Variants in DLC1 observed in about 807,000 individuals in gnomAD.
DLC1 encodes rho GTPase-activating protein 7.
Under a neutral mutation model 140.3 loss-of-function variants are expected in DLC1, and 54 were observed. That is an observed-to-expected ratio of 0.38 (90% CI 0.31 to 0.48). The LOEUF (loss-of-function observed/expected upper bound fraction) is 0.48. Among genes scored for constraint, DLC1 ranks in the 20% least tolerant of loss-of-function variants. The probability of loss-of-function intolerance (pLI) is 0.96; values close to 1 mark genes in which losing one functional copy is unlikely to be tolerated. For missense variants in DLC1, 2,536 were observed against 1,907.0 expected (o/e 1.33, Z -6.14); for synonymous variants, 986 against 728.1 (o/e 1.35, Z -5.70).
chr8:13,115,778 A>G, intron 5 of DLC1, 121 bp from the exon 6 acceptor site: 1 of 893,018 alleles, frequency 1.1e-6, no homozygotes, highest in Non-Finnish European at 1.8e-6. Context: ...AATACAGATA[A>G]GCAAACAGAC....
At chr8:13,279,246 T>G (rs934939143) in intron 5 of DLC1, among the ~76,000 whole-genome samples, 1 of 152,226 alleles carries the variant, frequency 6.6e-6, no homozygotes, top group African/African-American at 2.4e-5. Flanking sequence ...CAACACACAC[T>G]GTTTAACAGT....
At position 13,401,395 on chromosome 8, in the gene DLC1, C is replaced by T. The variant is rs531831533; in HGVS notation, c.1173+75G>A. On this transcript the variant is annotated intron_variant, in intron 3 of 17. Transcript: ENST00000276297. Reference sequence around the variant, plus strand: ...TTAGATGCCATTAACAAGGATGTTGCCTTTGCAAGAGGGACTGTATAAGGT... The same window carrying T: ...TTAGATGCCATTAACAAGGATGTTGTCTTTGCAAGAGGGACTGTATAAGGT... 482 of 1,542,952 alleles carry T rather than the reference C, an allele frequency of 3.1e-4. 2 individuals carry two copies. Among genetic ancestry groups the T allele is most frequent in the Non-Finnish European group, 4.1e-4 (470 of 1,143,058 alleles).
At chr8:13,500,875 G>C (rs1485989559) in intron 1 of DLC1, among the ~76,000 whole-genome samples, 1 of 152,146 alleles carries the variant, frequency 6.6e-6, no homozygotes, top group Non-Finnish European at 1.5e-5. Flanking sequence ...GCTACTACTA[G>C]CTTGCAAGCT....
chr8:13,528,826 C>A (rs755241486), intron 1 of DLC1, among the ~76,000 whole-genome samples: 2 of 152,124 alleles, frequency 1.3e-5, no homozygotes, highest in Non-Finnish European at 2.9e-5. Context: ...GAGCAACAGA[C>A]CCACTGAACT....
chr8:13,499,523 A>T lies in DLC1; in HGVS notation c.549T>A (p.Val183=). 6.2e-7 allele frequency: 1 copy of T among 1,614,134 alleles called. No homozygotes were observed. Among genetic ancestry groups the T allele is most frequent in the Non-Finnish European group, 8.5e-7 (1 of 1,180,018 alleles). The change falls in exon 2 of 18, where the codon GTT becomes GTA. Residue 183 remains valine (V), a synonymous_variant. Transcript: ENST00000276297. ...CCAGGCTTTTACTTATAGAGTCAGT[A>T]ACTTTTCTCTCCCCACTTTCTTTTA... ...ALVKESGERK[V]TDSISKSLEL...
chr8:13,095,911 C>G (rs994810446), intron 10 of DLC1: 1 of 152,218 alleles, frequency 6.6e-6, no homozygotes, highest in African/African-American at 2.4e-5. Flanking sequence ...CTGCTGATGA[C>G]CCGGAGAACA....
At chr8:13,456,029 A>G (rs1799371478) in intron 2 of DLC1, among the ~76,000 whole-genome samples, 1 of 152,256 alleles carries the variant, frequency 6.6e-6, no homozygotes, top group South Asian at 2.1e-4. Flanking sequence ...GTTGTCTTCC[A>G]AAGAGTGTTC....
intron 5 of DLC1, among the ~76,000 whole-genome samples, chr8:13,215,181 A>T (rs1452907811): frequency 6.6e-6 from 1 of 152,200 alleles, no homozygotes; most frequent in Non-Finnish European, 1.5e-5. Context: ...CGATAGAGTA[A>T]AACTATTAGA....
At chr8:13,285,801 A>C (rs1010097969) in intron 5 of DLC1, among the ~76,000 whole-genome samples, 1 of 152,114 alleles carries the variant, frequency 6.6e-6, no homozygotes, top group Non-Finnish European at 1.5e-5. Flanking sequence ...ATTACTAAAG[A>C]TATATAAAAA....
chr8:13,543,441 G>C (rs1486942789), intron 1 of DLC1, among the ~76,000 whole-genome samples: 1 of 152,098 alleles, frequency 6.6e-6, no homozygotes. Flanking sequence ...TAAATATCCA[G>C]TAGGAGGATT....
At chr8:13,164,098 A>G (rs1342659052) in intron 5 of DLC1, among the ~76,000 whole-genome samples, 3 of 152,038 alleles carry the variant, frequency 2.0e-5, no homozygotes, top group Non-Finnish European at 2.9e-5. Flanking sequence ...GGAGTTTGAG[A>G]CCAGGCTGGC....
intron 2 of DLC1, 118 bp from the exon 3 acceptor site, chr8:13,401,737 G>T: frequency 7.6e-7 from 1 of 1,318,508 alleles, no homozygotes; most frequent in Non-Finnish European, 1.0e-6. Flanking sequence ...TCTTTAATTA[G>T]AAGAGAAGTT....
At chr8:13,600,025 C>T (rs1318589434) in intron 1 of DLC1, among the ~76,000 whole-genome samples, 2 of 151,890 alleles carry the variant, frequency 1.3e-5, no homozygotes, top group East Asian at 3.9e-4. Flanking sequence ...TACTTTCTTT[C>T]GTTAGTTGGA....
At chr8:13,173,787 G>C (rs560401950) in intron 5 of DLC1, among the ~76,000 whole-genome samples, 37 of 152,132 alleles carry the variant, frequency 2.4e-4, no homozygotes, top group Non-Finnish European at 4.9e-4. Flanking sequence ...TGAATTTTTG[G>C]ATCTTTTACT....
At chr8:13,422,050 A>G (rs1585080601) in intron 2 of DLC1, among the ~76,000 whole-genome samples, 2 of 152,240 alleles carry the variant, frequency 1.3e-5, no homozygotes, top group East Asian at 3.9e-4. Context: ...TTGGTTATCA[A>G]TTGTATAAGT....
chr8:13,424,110 C>T (rs1244852425), intron 2 of DLC1, among the ~76,000 whole-genome samples: 2 of 152,102 alleles, frequency 1.3e-5, no homozygotes, highest in Non-Finnish European at 2.9e-5. Context: ...AACACAGCAA[C>T]AGTGTTCTGG....
In DLC1 at chr8:13,499,956, C is replaced by G. The variant is rs779829644; in HGVS notation, c.116G>C (p.Ser39Thr). 1 of 1,614,100 alleles carries G rather than the reference C, an allele frequency of 6.2e-7. No individual in the cohort carries two copies. Among genetic ancestry groups the G allele is most frequent in the Non-Finnish European group, 8.5e-7 (1 of 1,179,998 alleles). Reference sequence around the variant, plus strand: ...ATCTTTTTCCATACTTGCCTGCAAGCTGTCAGCTACTAGTCCATGATGACA... The same window carrying G: ...ATCTTTTTCCATACTTGCCTGCAAGGTGTCAGCTACTAGTCCATGATGACA... ...TACHHGLVADSLQASMEKDAT... is the reference protein window; with the variant it reads ...TACHHGLVADTLQASMEKDAT... Residue 39 changes from serine (S) to threonine (T), a missense_variant, in exon 2 of 18, where the codon AGC becomes ACC. Transcript: ENST00000276297.
intron 4 of DLC1, among the ~76,000 whole-genome samples, chr8:13,369,106 T>A (rs976752767): frequency 1.3e-5 from 2 of 152,146 alleles, no homozygotes; most frequent in African/African-American, 2.4e-5. Flanking sequence ...ATAAGAACAT[T>A]CAGGGCAGTG....
intron 5 of DLC1, among the ~76,000 whole-genome samples, chr8:13,123,882 A>T (rs1180394018): frequency 2.6e-5 from 4 of 152,178 alleles, no homozygotes; most frequent in African/African-American, 7.2e-5. Flanking sequence ...AATTTTTCTG[A>T]CCAGGATCCC....
Sources: allele counts gnomAD v4.1 joint callset (sites outside exome capture counted in the v4.1 genomes callset), GRCh38; gene constraint gnomAD v4.1.1; transcripts MANE v1.5; gene names NCBI Gene and HGNC (gene_info 2026-07-23, HGNC 2026-07-21).